MMP26: variants seen among roughly 807,000 people sequenced by gnomAD.
MMP26 encodes matrix metalloproteinase-26.
A neutral mutation model predicts 31.0 loss-of-function variants in MMP26; 33 were observed. The observed-to-expected ratio is 1.06, with a 90% confidence interval of 0.81 to 1.42. The LOEUF (loss-of-function observed/expected upper bound fraction) is 1.42, where lower values mean the gene tolerates loss of function less well. MMP26 is among the 40% of genes most tolerant of loss of function. MMP26 has a pLI of 0.00. For synonymous variants in MMP26, 122 were observed against 114.9 expected, an observed-to-expected ratio of 1.06 and a Z score of -0.40; for missense variants, 347 against 316.1, an observed-to-expected ratio of 1.10 and a Z score of -0.74.
chr11:4,740,798 G>A (rs1848302512), intron 1 of MMP26, among the ~76,000 whole-genome samples: 1 of 151,940 alleles, frequency 6.6e-6, no homozygotes, highest in Non-Finnish European at 1.5e-5. Flanking sequence ...TAGAGTCCTA[G>A]AATTTTATAA....
intron 2 of MMP26, chr11:4,915,168 A>T (rs1157020867): frequency 6.2e-7 from 1 of 1,614,014 alleles, no homozygotes; most frequent in Non-Finnish European, 8.5e-7. Flanking sequence ...TTGAGCATAA[A>T]AGGTAATGGA....
chr11:4,940,314 A>G (rs1162034821), intron 2 of MMP26, among the ~76,000 whole-genome samples: 1 of 152,134 alleles, frequency 6.6e-6, no homozygotes, highest in Non-Finnish European at 1.5e-5. Flanking sequence ...CCCCAGACAC[A>G]TACTGCCCAC....
intron 2 of MMP26, chr11:4,915,825 G>C: frequency 3.8e-6 from 2 of 522,584 alleles, no homozygotes; most frequent in South Asian, 7.4e-5. Flanking sequence ...TCTGGTCCTT[G>C]ACTTCCTCTC....
chr11:4,991,944 T>G lies in MMP26; in HGVS notation c.596-20T>G. 1 of 1,563,038 alleles carries G rather than the reference T, an allele frequency of 6.4e-7. No homozygotes were observed. Among genetic ancestry groups the G allele is most frequent in the South Asian group, 1.2e-5 (1 of 81,736 alleles). On this transcript the variant is annotated intron_variant, in intron 6 of 7. Coordinates refer to ENST00000380390, the MANE Select transcript of MMP26 (RefSeq NM_021801.5). ...CTATGCATAGTTAATTTTATCTTTT[T>G]TTTTTCTATAATTTTTCAGGATATA...
chr11:4,931,449 C>T (rs1343605713), intron 2 of MMP26, among the ~76,000 whole-genome samples: 1 of 151,842 alleles, frequency 6.6e-6, no homozygotes, highest in Non-Finnish European at 1.5e-5. Flanking sequence ...GAGCCAAAAA[C>T]AAAAGACAAA....
At chr11:4,880,434 G>A (rs187084316) in intron 2 of MMP26, among the ~76,000 whole-genome samples, 130 of 152,008 alleles carry the variant, frequency 8.6e-4, no homozygotes, top group Admixed American at 3.0e-3. Context: ...AGAAAGGGAG[G>A]GGTGTAACAG....
At chr11:4,748,801 A>G (rs887527184) in intron 1 of MMP26, among the ~76,000 whole-genome samples, 5 of 152,118 alleles carry the variant, frequency 3.3e-5, no homozygotes, top group African/African-American at 1.2e-4. Flanking sequence ...CCTGAAAATG[A>G]TAAAAGCCAC....
chr11:4,726,174 G>A (rs975105335), intron 1 of MMP26, among the ~76,000 whole-genome samples: 32 of 152,002 alleles, frequency 2.1e-4, no homozygotes, highest in South Asian at 6.2e-4. Context: ...TGACAATATC[G>A]AATAAATAAG....
At chr11:4,715,103 A>C (rs1847910507) in intron 1 of MMP26, among the ~76,000 whole-genome samples, 1 of 152,150 alleles carries the variant, frequency 6.6e-6, no homozygotes, top group Non-Finnish European at 1.5e-5. Context: ...TGGTCAGTTA[A>C]CAACTCTTGG....
intron 2 of MMP26, among the ~76,000 whole-genome samples, chr11:4,835,162 A>G (rs1306285869): frequency 1.3e-5 from 2 of 149,138 alleles, no homozygotes; most frequent in African/African-American, 2.5e-5. Context: ...TGAATTCTCA[A>G]TATCTCCCTC....
rs570572952 is a variant in MMP26, at chr11:4,937,705, T to C, written c.-144-50363T>C. 3.3e-4 allele frequency: 54 copies of C among 164,544 alleles called. No individual in the cohort carries two copies. The Middle Eastern group carries it at 0.012, about 38-fold the overall frequency. 10.2% of individuals were successfully genotyped at this position (164,544 alleles called of 1,614,324 possible). A position where few individuals can be genotyped will look rare whatever the true frequency, so the allele number is the denominator to read the frequency against. The stretch of plus-strand genomic sequence containing the variant: ...TCCTGCACAGAGTCCGTAGACAACA[T>C]TGACTGTGTTGTCAGAACACATCAG... On this transcript the variant is annotated intron_variant, in intron 2 of 7. Transcript: ENST00000380390.
At chr11:4,930,295 AT>A (rs1851328773) in intron 2 of MMP26, among the ~76,000 whole-genome samples, 4 of 152,092 alleles carry the variant, frequency 2.6e-5, no homozygotes, top group Admixed American at 2.6e-4. Flanking sequence ...TGAAGAAACC[AT>A]TTGTTGCCTA....
At chr11:4,772,885 T>C (rs1848744474) in intron 2 of MMP26, among the ~76,000 whole-genome samples, 1 of 152,198 alleles carries the variant, frequency 6.6e-6, no homozygotes, top group Non-Finnish European at 1.5e-5. Flanking sequence ...CTTTGATTTC[T>C]ACTCTGCTAT....
chr11:4,987,414 T>G (rs1846918385), intron 2 of MMP26, among the ~76,000 whole-genome samples: 1 of 151,622 alleles, frequency 6.6e-6, no homozygotes, highest in African/African-American at 2.4e-5. Context: ...GTGGTTTTTT[T>G]TTGTTTTTTG....
chr11:4,727,929 T>C (rs1848124465), intron 1 of MMP26, among the ~76,000 whole-genome samples: 1 of 152,186 alleles, frequency 6.6e-6, no homozygotes, highest in Admixed American at 6.5e-5. Context: ...AGAAAATATT[T>C]AAGTAAAAAT....
intron 2 of MMP26, chr11:4,847,790 G>C (rs975981686): frequency 6.5e-6 from 1 of 153,256 alleles, no homozygotes; most frequent in Admixed American, 6.5e-5. Context: ...CCTAAGGATT[G>C]GTCAGAATTC....
At chr11:4,982,745 G>T (rs749547564) in intron 2 of MMP26, among the ~76,000 whole-genome samples, 2 of 152,112 alleles carry the variant, frequency 1.3e-5, no homozygotes, top group Non-Finnish European at 2.9e-5. Flanking sequence ...AATCCCTACG[G>T]GATCCATTTC....
At chr11:4,956,942 TG>T (rs1244494255) in intron 2 of MMP26, among the ~76,000 whole-genome samples, 1 of 152,232 alleles carries the variant, frequency 6.6e-6, no homozygotes, top group Non-Finnish European at 1.5e-5. Context: ...TTTGGAATCT[TG>T]AAATTTTTTA....
intron 2 of MMP26, among the ~76,000 whole-genome samples, chr11:4,863,330 A>T (rs1178160766): frequency 1.3e-5 from 2 of 152,046 alleles, no homozygotes; most frequent in South Asian, 2.1e-4. Flanking sequence ...TGAAATTCTT[A>T]TGCATTCTTC....
Sources: gnomAD v4.1 joint callset for allele counts (sites outside exome capture counted in the v4.1 genomes callset) on GRCh38, gnomAD v4.1.1 for gene constraint, MANE v1.5 for transcripts, NCBI Gene and HGNC (gene_info 2026-07-23, HGNC 2026-07-21) for gene names.